The following WIPF1 variants were observed in gnomAD, a reference collection of about 807,000 sequenced individuals.
WIPF1 encodes WAS/WASL interacting protein family member 1.
WIPF1 carries 13 observed loss-of-function variants against 35.4 expected under a neutral mutation model. That is an observed-to-expected ratio of 0.37 (90% CI 0.24 to 0.58). The LOEUF is 0.58. Among genes scored for constraint, WIPF1 ranks in the 20% least tolerant of loss-of-function variants. The pLI is 0.74. For synonymous variants in WIPF1, 267 were observed against 266.3 expected, an observed-to-expected ratio of 1.00 and a Z score of -0.02; for missense variants, 591 against 667.0, an observed-to-expected ratio of 0.89 and a Z score of 1.25.
At chr2:174,623,495 G>A (rs1054689221) in intron 1 of WIPF1, 1 of 152,166 alleles carries the variant, frequency 6.6e-6, no homozygotes, top group African/African-American at 2.4e-5. Context: ...CTCTTAACAC[G>A]GTAGCTGGCT....
intron 1 of WIPF1, among the ~76,000 whole-genome samples, chr2:174,633,935 A>C (rs1361893721): frequency 2.0e-5 from 3 of 152,322 alleles, no homozygotes; most frequent in African/African-American, 7.2e-5. Context: ...TAGTAAAAGA[A>C]GGAAGGAAAG....
chr2:174,664,989 TTAA>T (rs1687859609), intron 1 of WIPF1, among the ~76,000 whole-genome samples: 1 of 152,164 alleles, frequency 6.6e-6, no homozygotes, highest in African/African-American at 2.4e-5. Flanking sequence ...TTTATTAACA[TTAA>T]TAATATTATA....
intron 1 of WIPF1, among the ~76,000 whole-genome samples, chr2:174,661,123 G>A (rs1687750288): frequency 6.6e-6 from 1 of 152,252 alleles, no homozygotes; most frequent in African/African-American, 2.4e-5. Context: ...TGCTGGGGCT[G>A]CAGAAGTGAC....
chr2:174,609,082 C>A (rs1686265626), intron 1 of WIPF1, among the ~76,000 whole-genome samples: 1 of 152,174 alleles, frequency 6.6e-6, no homozygotes, highest in South Asian at 2.1e-4. Context: ...CCCAACTACT[C>A]TGCAGGTGGA....
chr2:174,577,917 C>CA (rs35709277), intron 3 of WIPF1, among the ~76,000 whole-genome samples: 73,468 of 144,968 alleles, frequency 0.51, 18,734 homozygotes, highest in East Asian at 0.86. Context: ...ACCCTGTCTC[C>CA]AAAAAAAAAA....
intron 1 of WIPF1, among the ~76,000 whole-genome samples, chr2:174,612,046 G>A (rs1378026220): frequency 2.0e-5 from 3 of 151,934 alleles, no homozygotes; most frequent in South Asian, 2.1e-4. Context: ...ATGCTGCCTC[G>A]CTTGGCTAAT....
intron 1 of WIPF1, among the ~76,000 whole-genome samples, chr2:174,595,088 C>CAAAAA (rs57521272): frequency 0.016 from 82 of 5,060 alleles, 12 homozygotes; most frequent in Non-Finnish European, 0.026. Context: ...CTCATCTCTA[C>CAAAAA]AAAAAAAAAA....
intron 1 of WIPF1, among the ~76,000 whole-genome samples, chr2:174,681,779 C>T (rs972574827): frequency 6.6e-6 from 1 of 152,138 alleles, no homozygotes; most frequent in Non-Finnish European, 1.5e-5. Context: ...ACTGAGCCAA[C>T]TTGAGAGGCT....
At chr2:174,566,007 C>G (rs1251087207) in intron 7 of WIPF1, among the ~76,000 whole-genome samples, 2 of 152,118 alleles carry the variant, frequency 1.3e-5, no homozygotes, top group Non-Finnish European at 2.9e-5. Flanking sequence ...CCTCAGCCTC[C>G]TGAGTAGCTG....
chr2:174,635,539 T>TG (rs796893726), intron 1 of WIPF1, among the ~76,000 whole-genome samples: 1 of 144,346 alleles, frequency 6.9e-6, no homozygotes. Context: ...GTTTTTTTTT[T>TG]TTTTTTTTTT....
In WIPF1 at chr2:174,664,558, T is replaced by C. The variant is rs942495380; in HGVS notation, c.-39+18216A>G. On this transcript the variant is annotated intron_variant, in intron 1 of 8. Transcript: ENST00000272746. Reference sequence around the variant, plus strand: ...ACTCAGTGCAGTTTCAAATGAGCAGTAGGGGAAAACCAAGAATGCCCTCTC... The same window carrying C: ...ACTCAGTGCAGTTTCAAATGAGCAGCAGGGGAAAACCAAGAATGCCCTCTC... Among the ~76,000 whole-genome samples, 3 of 152,306 alleles carry C rather than the reference T, an allele frequency of 2.0e-5. No individual in the cohort carries two copies. The South Asian group carries it at 6.2e-4, about 32-fold the overall frequency.
At chr2:174,666,297 G>A (rs947507760) in intron 1 of WIPF1, among the ~76,000 whole-genome samples, 4 of 152,208 alleles carry the variant, frequency 2.6e-5, no homozygotes, top group Non-Finnish European at 5.9e-5. Context: ...ACTCTGGCAA[G>A]AGTTGAAGGT....
In WIPF1 at chr2:174,562,282, T is replaced by C; in HGVS notation, c.*265A>G. 6.6e-7 allele frequency: 1 copy of C among 1,525,488 alleles called. No homozygotes were observed. The highest frequency in any genetic ancestry group is 2.0e-5 in the Admixed American group (1 of 49,422). 94.5% of individuals were successfully genotyped at this position (1,525,488 alleles called of 1,614,324 possible). On this transcript the variant is annotated 3_prime_UTR_variant, in exon 8 of 8. Transcript: ENST00000679041. Reference sequence around the variant, plus strand: ...CTGGGATGCAAGTCATCTCTGCCTATTACGACAAAAGCCTATCGACCCCAG... The same window carrying C: ...CTGGGATGCAAGTCATCTCTGCCTACTACGACAAAAGCCTATCGACCCCAG...
intron 1 of WIPF1, among the ~76,000 whole-genome samples, chr2:174,627,760 G>A (rs1267665170): frequency 6.6e-6 from 1 of 151,998 alleles, no homozygotes; most frequent in Non-Finnish European, 1.5e-5. Flanking sequence ...TGCCCAGGCT[G>A]GTCTCGAACT....
chr2:174,665,311 A>T (rs1687867758), intron 1 of WIPF1: 1 of 152,232 alleles, frequency 6.6e-6, no homozygotes, highest in Non-Finnish European at 1.5e-5. Flanking sequence ...TGGACAATGC[A>T]TCACAGACAC....
exon 1 of WIPF1, chr2:174,682,841 C>T (rs1688285372): frequency 6.6e-6 from 1 of 151,908 alleles, no homozygotes; most frequent in South Asian, 2.0e-4. Flanking sequence ...GAAACTTCTC[C>T]CGGGGTCCGC....
Position 174,572,067 on chromosome 2 carries a change from G to A in WIPF1, c.738C>T (p.Phe246=), listed in dbSNP as rs1279536286. ...RQSPLSSSSP[F]SNRPPLPPTP... is the part of the protein sequence containing the mutation. ...TAGGCGGCAGGGGAGGCCGGTTGGA[G>A]AAGGGCGAGGAGGAGCTCAAGGGGG... is the stretch of plus-strand genomic sequence containing the variant. Residue 246 remains phenylalanine (F), a synonymous_variant, in exon 5 of 8, where the codon TTC becomes TTT. Transcript: ENST00000679041. 5 of 1,556,092 alleles carry A rather than the reference G, an allele frequency of 3.2e-6. No homozygotes were observed. The African/African-American group carries it at 4.1e-5, about 13-fold the overall frequency.
intron 1 of WIPF1, among the ~76,000 whole-genome samples, chr2:174,603,494 T>C (rs533169251): frequency 6.6e-6 from 1 of 152,358 alleles, no homozygotes; most frequent in Non-Finnish European, 1.5e-5. Flanking sequence ...TAGCTAGTTA[T>C]GCTGCCACCT....
intron 1 of WIPF1, among the ~76,000 whole-genome samples, chr2:174,613,133 T>A (rs1285406942): frequency 1.8e-5 from 1 of 56,136 alleles, no homozygotes; most frequent in Non-Finnish European, 3.4e-5. Context: ...GTTTATGTTA[T>A]GCACATGCAG....
Sources: allele counts gnomAD v4.1 joint callset (sites outside exome capture counted in the v4.1 genomes callset), GRCh38; gene constraint gnomAD v4.1.1; transcripts MANE v1.5; gene names NCBI Gene and HGNC (gene_info 2026-07-23, HGNC 2026-07-21).